The following UMODL1 variants were observed in gnomAD, a reference collection of about 807,000 sequenced individuals.
The protein encoded by UMODL1 is uromodulin-like 1.
UMODL1 carries 128 observed loss-of-function variants against 136.3 expected under a neutral mutation model. The observed-to-expected ratio is 0.94, with a 90% confidence interval of 0.81 to 1.09. The LOEUF (loss-of-function observed/expected upper bound fraction) is 1.09, where lower values mean the gene tolerates loss of function less well. UMODL1 is among the 50% of genes least tolerant of loss of function. The probability of loss-of-function intolerance (pLI) is 0.00; values close to 1 mark genes in which losing one functional copy is unlikely to be tolerated. For synonymous variants in UMODL1, 721 were observed against 720.0 expected, an observed-to-expected ratio of 1.00 and a Z score of -0.02; for missense variants, 1,766 against 1,725.6, an observed-to-expected ratio of 1.02 and a Z score of -0.41.
chr21:42,073,192 G>A (rs1350938530), intron 1 of UMODL1, among the ~76,000 whole-genome samples: 1 of 152,180 alleles, frequency 6.6e-6, no homozygotes, highest in Admixed American at 6.5e-5. Context: ...GATGAAAAAC[G>A]CAAGCTAGAT....
At chr21:42,124,769 A>C (rs2067029836) in intron 17 of UMODL1, among the ~76,000 whole-genome samples, 1 of 152,012 alleles carries the variant, frequency 6.6e-6, no homozygotes, top group Non-Finnish European at 1.5e-5. Flanking sequence ...AGGACCTTTG[A>C]GCAGTCCAAG....
At chr21:42,082,533 A>T (rs1172867838) in intron 2 of UMODL1, among the ~76,000 whole-genome samples, 6 of 152,022 alleles carry the variant, frequency 3.9e-5, no homozygotes, top group Admixed American at 1.3e-4. Flanking sequence ...GGGGCATGGC[A>T]CCCACCGTCA....
intron 21 of UMODL1, among the ~76,000 whole-genome samples, chr21:42,136,198 T>TA (rs1427457821): frequency 6.6e-6 from 1 of 152,114 alleles, no homozygotes; most frequent in African/African-American, 2.4e-5. Flanking sequence ...GCACAGTTTT[T>TA]AAAAAATTAA....
chr21:42,066,380 T>C (rs904899211), upstream of UMODL1, among the ~76,000 whole-genome samples: 1 of 152,206 alleles, frequency 6.6e-6, no homozygotes, highest in African/African-American at 2.4e-5. Flanking sequence ...CCTCCTGGGT[T>C]CAAGCAATTC....
chr21:42,095,087 C>CTTTTTTTTTTT (rs1569151178), intron 6 of UMODL1, among the ~76,000 whole-genome samples: 4 of 34,066 alleles, frequency 1.2e-4, no homozygotes, highest in Non-Finnish European at 2.9e-4. Context: ...TTTTCTTCTG[C>CTTTTTTTTTTT]TGTTTTTTTT....
At position 42,129,785 on chromosome 21, in the gene UMODL1, A is replaced by C; in HGVS notation, c.3763A>C (p.Ile1255Leu). ...ACACCAGATGTCCTGGGGACCCCTC[A>C]TCCGGTCTGAAGGTGAGTTGATGAC... Reference protein sequence around the residue: ...ATHQMSWGPLIRSEGEPPHAE... With the variant: ...ATHQMSWGPLLRSEGEPPHAE... Residue 1255 changes from isoleucine (I) to leucine (L), a missense_variant, in exon 21 of 23, where the codon ATC (isoleucine) becomes CTC (leucine). Coordinates refer to ENST00000408910, the MANE Select transcript of UMODL1 (RefSeq NM_001004416.3). 6.3e-7 allele frequency: 1 copy of C among 1,583,398 alleles called. No individual in the cohort carries two copies. Among genetic ancestry groups the C allele is most frequent in the Non-Finnish European group, 8.6e-7 (1 of 1,168,130 alleles).
chr21:42,116,350 T>C (rs2066902357), intron 14 of UMODL1, among the ~76,000 whole-genome samples: 1 of 146,718 alleles, frequency 6.8e-6, no homozygotes, highest in Admixed American at 6.8e-5. Flanking sequence ...TGAAACCCTG[T>C]GGGAAAAAAA....
chr21:42,098,973 A>C lies in UMODL1; in HGVS notation c.979A>C (p.Ser327Arg). The change falls in exon 7 of 23, where the codon AGT (serine) becomes CGT (arginine). Residue 327 changes from serine (S) to arginine (R), a missense_variant. Transcript: ENST00000408910. ...CGTGGTCCTCAACGTCACCAGTGAC[A>C]GTTTTCAAGTATCCTGGCGTTTAAA... is the stretch of plus-strand genomic sequence containing the variant. Reference protein sequence around the residue: ...DYVVLNVTSDSFQVSWRLNST... With the variant: ...DYVVLNVTSDRFQVSWRLNST... 6.2e-7 allele frequency: 1 copy of C among 1,614,186 alleles called. No individual in the cohort carries two copies. Among genetic ancestry groups the C allele is most frequent in the Non-Finnish European group, 8.5e-7 (1 of 1,180,030 alleles).
intron 13 of UMODL1, among the ~76,000 whole-genome samples, chr21:42,114,102 C>T (rs1043989726): frequency 6.6e-6 from 1 of 152,352 alleles, no homozygotes; most frequent in South Asian, 2.1e-4. Context: ...GTGCGGCTCA[C>T]CCATGTCCTC....
In UMODL1 at chr21:42,122,866, C is replaced by A; in HGVS notation, c.2863C>A (p.Pro955Thr). 1.2e-6 allele frequency: 2 copies of A among 1,607,722 alleles called. No individual in the cohort carries two copies. Among genetic ancestry groups the A allele is most frequent in the South Asian group, 1.1e-5 (1 of 90,878 alleles). Reference sequence around the variant, plus strand: ...TGGCAATGAAACCTGGGCCACCAGCCCAGAGAGGCCTCTCACCACAGCAGG... The same window carrying A: ...TGGCAATGAAACCTGGGCCACCAGCACAGAGAGGCCTCTCACCACAGCAGG... ...SPGNETWATSPERPLTTAGTK... is the reference protein window; with the variant it reads ...SPGNETWATSTERPLTTAGTK... Residue 955 changes from proline to threonine, a missense_variant, in exon 17 of 23, where the codon CCA (proline) becomes ACA (threonine). Coordinates refer to ENST00000408910, the MANE Select transcript of UMODL1 (RefSeq NM_001004416.3). The surrounding 1 kb of genome is among the most constrained non-coding windows in gnomAD (Gnocchi z 4.3).
At chr21:42,093,630 C>CA in intron 6 of UMODL1, 1 of 254,350 alleles carries the variant, frequency 3.9e-6, no homozygotes, top group South Asian at 4.1e-5. Flanking sequence ...ATCTTCCCCC[C>CA]ATCACCAGGA....
chr21:42,089,894 C>T (rs2066469971), intron 5 of UMODL1, among the ~76,000 whole-genome samples: 1 of 152,214 alleles, frequency 6.6e-6, no homozygotes, highest in African/African-American at 2.4e-5. Context: ...AGGCCTGGGC[C>T]AGCCTCAGAA....
intron 1 of UMODL1, among the ~76,000 whole-genome samples, chr21:42,063,577 G>T (rs1394246370): frequency 6.6e-6 from 1 of 151,546 alleles, no homozygotes; most frequent in Non-Finnish European, 1.5e-5. Flanking sequence ...AGACCCAGGA[G>T]CCCAGGGAGG....
rs369695625 is a variant in UMODL1, at chr21:42,074,569, C to T, written c.77-1436C>T. ...GTCATGGGGCCAGGGGTCTCGAGAA[C>T]GGAGTAATCACGTTGATGGAGGGGC... On this transcript the variant is annotated intron_variant, in intron 1 of 22. Coordinates refer to ENST00000408910, the MANE Select transcript of UMODL1 (RefSeq NM_001004416.3). Among the ~76,000 whole-genome samples the T allele has an allele frequency of 6.6e-5, 10 of 152,194 alleles. No individual in the cohort carries two copies. In the East Asian group the frequency reaches 1.2e-3, roughly 18 times the overall value.
chr21:42,111,132 C>T lies in UMODL1; in HGVS notation c.1899+11C>T, dbSNP rs745968951. ...GGCGTGGAGCAGGAGGTGCCCAGCA[C>T]TGCCCCGGGTCTGGGGATGGACCAG... On this transcript the variant is annotated intron_variant, in intron 11 of 22. Coordinates refer to ENST00000408910, the MANE Select transcript of UMODL1 (RefSeq NM_001004416.3). The T allele has an allele frequency of 6.2e-7, 1 of 1,602,184 alleles. No homozygotes were observed. The highest frequency in any genetic ancestry group is 1.1e-5 in the South Asian group (1 of 89,474).
rs1315004171 is a variant in UMODL1 at position 42,127,214 on chromosome 21, C to T, written c.3502C>T (p.Pro1168Ser). The change falls in exon 19 of 23, where the codon CCC becomes TCC. Residue 1168 changes from proline to serine, a missense_variant. By Grantham distance (74) the Pro-to-Ser change is moderately conservative. Transcript: ENST00000408910. The part of the protein sequence containing the change: ...WATPSSNARD[P>S]ITFSFINNSC... ...AACCCCGTCTAGCAACGCCCGGGAC[C>T]CCATCACCTTCAGCTTCATTAACAA... 2.5e-6 allele frequency: 4 copies of T among 1,613,980 alleles called. No individual in the cohort carries two copies. The highest frequency in any genetic ancestry group is 2.2e-5 in the East Asian group (1 of 44,852).
intron 21 of UMODL1, among the ~76,000 whole-genome samples, chr21:42,130,848 C>T (rs967366998): frequency 7.4e-5 from 11 of 147,864 alleles, no homozygotes; most frequent in Admixed American, 4.1e-4. Context: ...TTTTCTCTGT[C>T]GCCCAGGCTG....
chr21:42,136,918 C>T (rs371050937), intron 21 of UMODL1, among the ~76,000 whole-genome samples: 8 of 151,968 alleles, frequency 5.3e-5, no homozygotes, highest in Non-Finnish European at 8.8e-5. Flanking sequence ...CCACCATGCC[C>T]GGCTAATTTT....
chr21:42,088,202 G>A, intron 4 of UMODL1, 92 bp from the exon 5 acceptor site: 2 of 1,360,146 alleles, frequency 1.5e-6, no homozygotes, highest in Non-Finnish European at 1.0e-6. Context: ...CGTGTGTGTG[G>A]ACAGTTCATT....
Sources: gnomAD v4.1 joint callset for allele counts (sites outside exome capture counted in the v4.1 genomes callset) on GRCh38, gnomAD v4.1.1 for gene constraint, Gnocchi (gnomAD v3.1) non-coding constraint, MANE v1.5 for transcripts, NCBI Gene and HGNC (gene_info 2026-07-23, HGNC 2026-07-21) for gene names.